Variants in PDE1C observed in about 807,000 individuals in gnomAD.
PDE1C encodes the protein dual specificity calcium/calmodulin-dependent 3',5'-cyclic nucleotide phosphodiesterase 1C.
Under a neutral mutation model 93.1 loss-of-function variants are expected in PDE1C, and 62 were observed. The observed-to-expected ratio is 0.67, with a 90% CI of 0.54 to 0.82. The LOEUF (loss-of-function observed/expected upper bound fraction) is 0.82. Among genes scored for constraint, PDE1C ranks in the 40% least tolerant of loss-of-function variants. The pLI is 0.00. For missense variants in PDE1C, 742 were observed against 884.6 expected (o/e 0.84, Z 2.04); for synonymous variants, 325 against 310.1 (o/e 1.05, Z -0.50).
chr7:32,051,539 G>GA lies in PDE1C; in HGVS notation c.128+14dup, dbSNP rs777161177. The GA allele has an allele frequency of 6.2e-7, 1 of 1,613,356 alleles. No individual in the cohort carries two copies. Among genetic ancestry groups the GA allele is most frequent in the Non-Finnish European group, 8.5e-7 (1 of 1,179,352 alleles). On this transcript the variant is annotated intron_variant, in intron 2 of 17. Coordinates refer to ENST00000396191, the MANE Select transcript of PDE1C (RefSeq NM_001191057.4). ...AAATGAATCAACCAGTTGCAGCTCA[G>GA]AAAGACGTTCTTACCTCTGGGACGT...
In PDE1C at chr7:31,965,828, C is replaced by T. The variant is rs536082789; in HGVS notation, c.129-84968G>A. ...GCAACATTCTTAAAGAAAATAATTT[C>T]CAACCCAGAATTTCATATCCAGCCA... On this transcript the variant is annotated intron_variant, in intron 2 of 17. Coordinates refer to ENST00000396191, the MANE Select transcript of PDE1C (RefSeq NM_001191057.4). Among the ~76,000 whole-genome samples the T allele has an allele frequency of 6.2e-3, 941 of 152,228 alleles. 6 individuals carry two copies. The highest frequency in any genetic ancestry group is 0.022 in the African/African-American group (915 of 41,536).
intron 2 of PDE1C, among the ~76,000 whole-genome samples, chr7:31,898,087 C>T (rs145384083): frequency 3.3e-5 from 5 of 150,142 alleles, no homozygotes; most frequent in Non-Finnish European, 7.4e-5. Flanking sequence ...ATGTGAGATA[C>T]AAATAAAGTT....
At chr7:31,910,803 T>A (rs1362773106) in intron 2 of PDE1C, among the ~76,000 whole-genome samples, 2 of 152,266 alleles carry the variant, frequency 1.3e-5, no homozygotes, top group Non-Finnish European at 2.9e-5. Context: ...CTTTATCTAA[T>A]GTAGTTGGTG....
In PDE1C at chr7:32,222,587, G is replaced by T. The variant is rs138662174; in HGVS notation, c.86-13048C>A. ...ATCTTCTAAGCCAGTTGGAAGTTGG[G>T]GACAATTTGGGGGTTACAAACTGGA... On this transcript the variant is annotated intron_variant, in intron 1 of 18. Transcript: ENST00000396193. Among the ~76,000 whole-genome samples, 640 of 152,270 alleles carry T rather than the reference G, an allele frequency of 4.2e-3. 2 individuals are homozygous for T. Among genetic ancestry groups the T allele is most frequent in the African/African-American group, 0.011 (457 of 41,542 alleles).
At chr7:31,922,566 C>T (rs567374865) in intron 2 of PDE1C, among the ~76,000 whole-genome samples, 1 of 152,236 alleles carries the variant, frequency 6.6e-6, no homozygotes, top group South Asian at 2.1e-4. Context: ...ATGCACAAGC[C>T]ATCATTAAAC....
chr7:31,685,503 G>A, the PDE1C span, among the ~76,000 whole-genome samples: 1 of 152,144 alleles, frequency 6.6e-6, no homozygotes, highest in Non-Finnish European at 1.5e-5. Context: ...AAGAATTCAA[G>A]GATTTCAGAA....
At chr7:31,939,642 C>A (rs1584085593) in intron 2 of PDE1C, among the ~76,000 whole-genome samples, 1 of 152,042 alleles carries the variant, frequency 6.6e-6, no homozygotes, top group African/African-American at 2.4e-5. Flanking sequence ...TTCAGAACAT[C>A]CAAGAACAGT....
the PDE1C span, among the ~76,000 whole-genome samples, chr7:31,691,417 C>T: frequency 6.6e-6 from 1 of 152,180 alleles, no homozygotes; most frequent in Non-Finnish European, 1.5e-5. Context: ...TCCTCCCCCA[C>T]CACTCTTGCT....
chr7:31,823,511 T>C (rs1175471519), intron 13 of PDE1C, among the ~76,000 whole-genome samples: 1 of 152,110 alleles, frequency 6.6e-6, no homozygotes, highest in Non-Finnish European at 1.5e-5. Flanking sequence ...TCTTCTTTTT[T>C]CCCCATAACC....
chr7:32,211,568 GTTATC>G (rs1347797984), intron 1 of PDE1C, among the ~76,000 whole-genome samples: 1 of 142,990 alleles, frequency 7.0e-6, no homozygotes, highest in Non-Finnish European at 1.5e-5. Context: ...TATAACCAAA[GTTATC>G]TTATAATAAA....
intron 2 of PDE1C, among the ~76,000 whole-genome samples, chr7:32,004,573 G>A (rs1022615224): frequency 6.6e-6 from 1 of 152,096 alleles, no homozygotes; most frequent in African/African-American, 2.4e-5. Flanking sequence ...TTTGAACCTG[G>A]GGTCTTGTGA....
intron 2 of PDE1C, among the ~76,000 whole-genome samples, chr7:31,939,250 G>C (rs1482507141): frequency 3.3e-5 from 5 of 152,128 alleles, no homozygotes; most frequent in Admixed American, 2.6e-4. Context: ...AGGAGGAGAA[G>C]GAGGAGAAAG....
chr7:32,307,402 A>G (rs1034963159), intron 1 of PDE1C, among the ~76,000 whole-genome samples: 1 of 152,230 alleles, frequency 6.6e-6, no homozygotes, highest in African/African-American at 2.4e-5. Flanking sequence ...CAGGCATGGA[A>G]TAAACACACA....
chr7:32,191,435 T>C (rs1205609527), intron 2 of PDE1C, among the ~76,000 whole-genome samples: 1 of 152,108 alleles, frequency 6.6e-6, no homozygotes, highest in Non-Finnish European at 1.5e-5. Flanking sequence ...GTTCTCTATC[T>C]TTATAGTTGT....
At chr7:31,770,940 T>C (rs1040754999) in intron 17 of PDE1C, among the ~76,000 whole-genome samples, 1 of 152,250 alleles carries the variant, frequency 6.6e-6, no homozygotes, top group Admixed American at 6.5e-5. Flanking sequence ...GAACTTATAC[T>C]ATCAACTGAT....
chr7:31,997,019 G>T (rs1485675536), intron 2 of PDE1C, among the ~76,000 whole-genome samples: 1 of 152,122 alleles, frequency 6.6e-6, no homozygotes, highest in Non-Finnish European at 1.5e-5. Context: ...CAGAAAGATA[G>T]GTCTCTCTGG....
At chr7:32,207,735 A>C (rs1260414363) in intron 2 of PDE1C, among the ~76,000 whole-genome samples, 12 of 152,230 alleles carry the variant, frequency 7.9e-5, no homozygotes, top group Admixed American at 3.3e-4. Flanking sequence ...CTTTGAAGAC[A>C]CATCATCCTT....
intron 16 of PDE1C, among the ~76,000 whole-genome samples, chr7:31,793,064 T>C (rs939148690): frequency 1.3e-5 from 2 of 152,036 alleles, no homozygotes; most frequent in African/African-American, 4.8e-5. Context: ...TATAGGAGCA[T>C]ACAATCATGT....
chr7:32,279,647 C>T (rs769831918), intron 1 of PDE1C, among the ~76,000 whole-genome samples: 7 of 151,486 alleles, frequency 4.6e-5, no homozygotes, highest in Non-Finnish European at 1.0e-4. Context: ...AATCTATATA[C>T]CAAAAAAGAA....
Sources: gnomAD v4.1 joint callset for allele counts (sites outside exome capture counted in the v4.1 genomes callset) on GRCh38, gnomAD v4.1.1 for gene constraint, MANE v1.5 for transcripts, NCBI Gene and HGNC (gene_info 2026-07-23, HGNC 2026-07-21) for gene names.